Variants in CA10 observed in about 807,000 individuals in gnomAD.
CA10 encodes carbonic anhydrase 10 (inactive), also known as carbonic anhydrase-related protein 10.
Under a neutral mutation model 44.2 loss-of-function variants are expected in CA10, and 14 were observed. The observed-to-expected ratio is 0.32, with a 90% CI of 0.21 to 0.50. The LOEUF (loss-of-function observed/expected upper bound fraction) is 0.50, where lower values mean the gene tolerates loss of function less well. CA10 is among the 20% of genes least tolerant of loss of function. The pLI is 0.99. For missense variants in CA10, 350 were observed against 409.7 expected, an observed-to-expected ratio of 0.85 and a Z score of 1.26; for synonymous variants, 159 against 141.6, an observed-to-expected ratio of 1.12 and a Z score of -0.87.
chr17:51,957,369 T>C (rs1231844877), intron 2 of CA10, among the ~76,000 whole-genome samples: 2 of 152,124 alleles, frequency 1.3e-5, no homozygotes, highest in Non-Finnish European at 2.9e-5. Context: ...GGTAGAACAT[T>C]GGGGTGAATA....
At chr17:51,947,224 C>CAAAA (rs1198796736) in intron 2 of CA10, among the ~76,000 whole-genome samples, 5 of 52,068 alleles carry the variant, frequency 9.6e-5, no homozygotes, top group African/African-American at 1.5e-4. Context: ...TCTTCATGTG[C>CAAAA]AAAAAAAAAA....
intron 3 of CA10, among the ~76,000 whole-genome samples, chr17:51,765,856 T>C (rs558328657): frequency 2.6e-5 from 4 of 152,212 alleles, no homozygotes; most frequent in African/African-American, 7.2e-5. Flanking sequence ...GATGGATATC[T>C]GGAAGAGTCA....
chr17:52,072,907 G>A (rs1483129075), intron 1 of CA10, among the ~76,000 whole-genome samples: 1 of 152,132 alleles, frequency 6.6e-6, no homozygotes, highest in Non-Finnish European at 1.5e-5. Flanking sequence ...AATAACTGTG[G>A]TGGAGGTTTT....
intron 6 of CA10, among the ~76,000 whole-genome samples, chr17:51,636,666 G>A (rs1316944543): frequency 6.6e-6 from 1 of 152,116 alleles, no homozygotes; most frequent in Non-Finnish European, 1.5e-5. Context: ...AATTCACCTG[G>A]TGACCATTCT....
chr17:51,917,486 A>G (rs1325562113), intron 3 of CA10, among the ~76,000 whole-genome samples: 1 of 152,226 alleles, frequency 6.6e-6, no homozygotes, highest in Non-Finnish European at 1.5e-5. Context: ...AAGGCTGGGT[A>G]ATTTATAACG....
intron 2 of CA10, among the ~76,000 whole-genome samples, chr17:52,023,626 T>C (rs781656926): frequency 6.6e-6 from 1 of 151,878 alleles, no homozygotes; most frequent in Non-Finnish European, 1.5e-5. Flanking sequence ...AAATGGGATG[T>C]GATTCAACTA....
At chr17:51,755,330 CAT>C (rs560046126) in intron 3 of CA10, among the ~76,000 whole-genome samples, 89 of 152,222 alleles carry the variant, frequency 5.8e-4, no homozygotes, top group Middle Eastern at 3.4e-3. Flanking sequence ...ACAAAATACA[CAT>C]GTCAAAGGTC....
chr17:51,869,567 T>G (rs1424422788), intron 3 of CA10, among the ~76,000 whole-genome samples: 1 of 152,144 alleles, frequency 6.6e-6, no homozygotes, highest in Admixed American at 6.5e-5. Context: ...AGAAGGCAGG[T>G]TTCAGAACCC....
chr17:51,888,759 T>C (rs1378265659), intron 3 of CA10, among the ~76,000 whole-genome samples: 1 of 152,202 alleles, frequency 6.6e-6, no homozygotes, highest in Non-Finnish European at 1.5e-5. Flanking sequence ...AGAAAAATAA[T>C]CTTTGTAGTG....
intron 3 of CA10, among the ~76,000 whole-genome samples, chr17:51,909,198 C>A (rs931323937): frequency 6.6e-6 from 1 of 152,100 alleles, no homozygotes; most frequent in African/African-American, 2.4e-5. Context: ...TCTTTCCTAG[C>A]CTCTGTTAAA....
intron 2 of CA10, among the ~76,000 whole-genome samples, chr17:52,029,742 A>G (rs1469466105): frequency 6.6e-6 from 1 of 152,218 alleles, no homozygotes; most frequent in African/African-American, 2.4e-5. Context: ...CAAGAAAAGA[A>G]AAGAAATTAA....
intron 2 of CA10, among the ~76,000 whole-genome samples, chr17:51,960,439 T>G (rs1983846177): frequency 6.6e-6 from 1 of 151,960 alleles, no homozygotes; most frequent in Non-Finnish European, 1.5e-5. Flanking sequence ...AAAAATTTCA[T>G]GCAAATTCTC....
intron 1 of CA10, among the ~76,000 whole-genome samples, chr17:52,093,535 T>C (rs1242819526): frequency 6.6e-6 from 1 of 152,194 alleles, no homozygotes; most frequent in African/African-American, 2.4e-5. Context: ...TATCCTTTGC[T>C]TCCCTGTGGG....
intron 4 of CA10, among the ~76,000 whole-genome samples, chr17:51,677,688 T>C (rs929511543): frequency 3.3e-5 from 5 of 152,160 alleles, no homozygotes; most frequent in African/African-American, 1.2e-4. Context: ...AGAACTGTCA[T>C]AAATTCCTAA....
chr17:51,911,802 A>G (rs964273247), intron 3 of CA10, among the ~76,000 whole-genome samples: 2 of 152,184 alleles, frequency 1.3e-5, no homozygotes, highest in South Asian at 4.1e-4. Flanking sequence ...ATTTCTGGAT[A>G]TTCTTCAACC....
intron 3 of CA10, among the ~76,000 whole-genome samples, chr17:51,754,031 A>C (rs1904987635): frequency 6.6e-6 from 1 of 151,892 alleles, no homozygotes; most frequent in Admixed American, 6.6e-5. Flanking sequence ...TTTAGTAGAG[A>C]CGGGGTTTCA....
intron 3 of CA10, among the ~76,000 whole-genome samples, chr17:51,853,726 A>G (rs944107524): frequency 6.6e-6 from 1 of 152,138 alleles, no homozygotes; most frequent in South Asian, 2.1e-4. Flanking sequence ...TGAATGGATC[A>G]TGGGGGCGGT....
intron 3 of CA10, among the ~76,000 whole-genome samples, chr17:51,844,779 T>C (rs1252673792): frequency 3.3e-5 from 5 of 152,188 alleles, no homozygotes; most frequent in African/African-American, 1.2e-4. Flanking sequence ...GACTTAGTGC[T>C]AATTAATAAA....
chr17:51,682,613 T>A (rs76012361), intron 4 of CA10, among the ~76,000 whole-genome samples: 10,983 of 152,218 alleles, frequency 0.072, 1,344 homozygotes, highest in African/African-American at 0.25. Context: ...GATTCCTTCT[T>A]AAGCGACCAT....
Sources: gnomAD v4.1 joint callset for allele counts (sites outside exome capture counted in the v4.1 genomes callset) on GRCh38, gnomAD v4.1.1 for gene constraint, MANE v1.5 for transcripts, NCBI Gene and HGNC (gene_info 2026-07-23, HGNC 2026-07-21) for gene names.